ADARB2: variants seen among roughly 807,000 people sequenced by gnomAD.
ADARB2 encodes the protein inactive double-stranded RNA-specific editase B2.
Under a neutral mutation model 62.2 loss-of-function variants are expected in ADARB2, and 25 were observed. That is an observed-to-expected ratio of 0.40 (90% CI 0.29 to 0.56). ADARB2 has a LOEUF of 0.56. Ranked by LOEUF, ADARB2 falls within the 20% of genes least tolerant of loss-of-function variation. ADARB2 has a pLI of 0.43. For missense variants in ADARB2, 1,071 were observed against 1,077.4 expected (o/e 0.99, Z 0.08); for synonymous variants, 572 against 500.8 (o/e 1.14, Z -1.90).
intron 1 of ADARB2, among the ~76,000 whole-genome samples, chr10:1,717,771 T>C (rs1393509797): frequency 6.6e-6 from 1 of 151,552 alleles, no homozygotes; most frequent in African/African-American, 2.4e-5. Flanking sequence ...AGAGATGGGG[T>C]TTCGTCATGT....
intron 1 of ADARB2, among the ~76,000 whole-genome samples, chr10:1,631,350 C>T (rs1010865488): frequency 2.0e-5 from 3 of 152,040 alleles, no homozygotes; most frequent in Non-Finnish European, 4.4e-5. Context: ...CAGCTTTAGC[C>T]AGCGGGGACC....
chr10:1,451,595 C>G (rs1329607804), intron 1 of ADARB2, among the ~76,000 whole-genome samples: 10 of 150,918 alleles, frequency 6.6e-5, no homozygotes, highest in Non-Finnish European at 4.4e-5. Context: ...TGAGGAGGGG[C>G]TCACCTGTAT....
intron 4 of ADARB2, among the ~76,000 whole-genome samples, chr10:1,270,411 A>AT (rs1831249776): frequency 6.6e-6 from 1 of 152,200 alleles, no homozygotes; most frequent in Non-Finnish European, 1.5e-5. Flanking sequence ...GTTGAATTCA[A>AT]ATAACCAGCT....
At chr10:1,278,383 G>A (rs925458524) in intron 3 of ADARB2, among the ~76,000 whole-genome samples, 4 of 151,670 alleles carry the variant, frequency 2.6e-5, no homozygotes, top group Non-Finnish European at 5.9e-5. Context: ...AAGTGACCCA[G>A]GTAGTGAGCA....
At chr10:1,537,339 T>C (rs1475415044) in intron 1 of ADARB2, among the ~76,000 whole-genome samples, 1 of 152,180 alleles carries the variant, frequency 6.6e-6, no homozygotes, top group African/African-American at 2.4e-5. Flanking sequence ...TGTGGAGAAA[T>C]TGGAACACTT....
chr10:1,308,880 G>A (rs1457163458), intron 3 of ADARB2, among the ~76,000 whole-genome samples: 1 of 152,150 alleles, frequency 6.6e-6, no homozygotes, highest in Non-Finnish European at 1.5e-5. Flanking sequence ...TATTTTCTCA[G>A]CTGGAAAAGT....
rs1830933658 is a variant in ADARB2, at chr10:1,444,124, A to G, written c.101-64964T>C. On this transcript the variant is annotated intron_variant, in intron 1 of 9. Transcript: ENST00000381312. ...CTTCTATCCATCTATTCATCCATCT[A>G]TCCATCTACCCACCCACTCACTCAT... is the stretch of plus-strand genomic sequence containing the variant. Among the ~76,000 whole-genome samples, 3 of 150,516 alleles carry G rather than the reference A, an allele frequency of 2.0e-5. No individual in the cohort carries two copies. In the South Asian group the frequency reaches 6.3e-4, roughly 32 times the overall value.
intron 1 of ADARB2, among the ~76,000 whole-genome samples, chr10:1,488,386 T>C (rs889786668): frequency 3.3e-5 from 5 of 152,226 alleles, no homozygotes; most frequent in Non-Finnish European, 5.9e-5. Flanking sequence ...TGTGATGTAT[T>C]ACAGTTTCTA....
chr10:1,219,029 G>C (rs956636239), intron 6 of ADARB2, among the ~76,000 whole-genome samples: 2 of 134,254 alleles, frequency 1.5e-5, no homozygotes, highest in African/African-American at 2.8e-5. Context: ...CAGCCTGGGC[G>C]ACAGAGCAAG....
intron 7 of ADARB2, among the ~76,000 whole-genome samples, chr10:1,212,247 C>A (rs1325400338): frequency 6.6e-6 from 1 of 152,218 alleles, no homozygotes; most frequent in African/African-American, 2.4e-5. Flanking sequence ...CAGATGAACA[C>A]ATACGTTATC....
chr10:1,609,228 A>G (rs187853811), intron 1 of ADARB2, among the ~76,000 whole-genome samples: 2 of 152,324 alleles, frequency 1.3e-5, no homozygotes, highest in Admixed American at 1.3e-4. Context: ...TCCGGGTTTA[A>G]TAGACTTTTT....
chr10:1,247,030 C>T (rs900265720), intron 4 of ADARB2, among the ~76,000 whole-genome samples: 5 of 152,076 alleles, frequency 3.3e-5, no homozygotes, highest in African/African-American at 1.2e-4. Flanking sequence ...TTGTAGTTCT[C>T]CTTGAAGAGG....
intron 3 of ADARB2, among the ~76,000 whole-genome samples, chr10:1,288,806 G>T (rs558254254): frequency 1.3e-5 from 2 of 152,330 alleles, no homozygotes; most frequent in Admixed American, 6.5e-5. Flanking sequence ...CTGAATAGGG[G>T]TTTCTGACAG....
Position 1,378,960 on chromosome 10 carries a change from C to T in ADARB2, c.187+114G>A, listed in dbSNP as rs372952524. 10 of 866,918 alleles carry T rather than the reference C, an allele frequency of 1.2e-5. No homozygotes were observed. The South Asian group carries it at 1.5e-4, about 13-fold the overall frequency. 53.7% of individuals were successfully genotyped at this position (866,918 alleles called of 1,614,324 possible). ...GCAGATACTGTCTCTCCAGGTAAGA[C>T]CAAACAGACCCTCCCAGATGACCCC... is the stretch of plus-strand genomic sequence containing the variant. On this transcript the variant is annotated intron_variant, in intron 2 of 9. Coordinates refer to ENST00000381312, the MANE Select transcript of ADARB2 (RefSeq NM_018702.4).
At chr10:1,578,035 T>C (rs1346610536) in intron 1 of ADARB2, among the ~76,000 whole-genome samples, 1 of 152,138 alleles carries the variant, frequency 6.6e-6, no homozygotes, top group Non-Finnish European at 1.5e-5. Context: ...TCCAGGACTG[T>C]GGAAGCAGGA....
chr10:1,371,308 G>C (rs1427946585), intron 2 of ADARB2, among the ~76,000 whole-genome samples: 1 of 152,164 alleles, frequency 6.6e-6, no homozygotes, highest in African/African-American at 2.4e-5. Context: ...ATGGATTAAA[G>C]ACTTAAACAT....
chr10:1,607,155 T>C (rs1333930067), intron 1 of ADARB2, among the ~76,000 whole-genome samples: 1 of 152,220 alleles, frequency 6.6e-6, no homozygotes, highest in Non-Finnish European at 1.5e-5. Flanking sequence ...ATAAATAAAA[T>C]GAAACTTTGA....
In ADARB2 at chr10:1,296,777, G is replaced by A. The variant is rs139184246; in HGVS notation, c.1078-25708C>T. Among the ~76,000 whole-genome samples the A allele has an allele frequency of 5.9e-5, 9 of 152,266 alleles. No homozygotes were observed. The East Asian group carries it at 1.5e-3, about 26-fold the overall frequency. On this transcript the variant is annotated intron_variant, in intron 3 of 9. Transcript: ENST00000381312. ...AGCTCAACAACATAATTGGAAAATGGGAGAGTAGTTTTTAGCCACCCTCAT... is the reference window on the plus strand; with the variant it reads ...AGCTCAACAACATAATTGGAAAATGAGAGAGTAGTTTTTAGCCACCCTCAT...
At chr10:1,677,606 G>A (rs1292130672) in intron 1 of ADARB2, among the ~76,000 whole-genome samples, 1 of 152,130 alleles carries the variant, frequency 6.6e-6, no homozygotes, top group Admixed American at 6.5e-5. Flanking sequence ...CTGGCCTGCT[G>A]GTGCATCATG....
Sources: allele counts gnomAD v4.1 joint callset (sites outside exome capture counted in the v4.1 genomes callset), GRCh38; gene constraint gnomAD v4.1.1; transcripts MANE v1.5; gene names NCBI Gene and HGNC (gene_info 2026-07-23, HGNC 2026-07-21).